The following DTNB variants were observed in gnomAD, a reference collection of about 807,000 sequenced individuals.
DTNB encodes the protein DTN-B.
Under a neutral mutation model 90.7 loss-of-function variants are expected in DTNB, and 63 were observed. That is an observed-to-expected ratio of 0.69 (90% CI 0.57 to 0.86). DTNB has a LOEUF of 0.86. DTNB is among the 40% of genes least tolerant of loss of function. The pLI is 0.00. For synonymous variants in DTNB, 277 were observed against 286.7 expected, an observed-to-expected ratio of 0.97 and a Z score of 0.34; for missense variants, 744 against 807.1, an observed-to-expected ratio of 0.92 and a Z score of 0.95.
At position 25,577,064 on chromosome 2, in the gene DTNB, GAAGA is replaced by G. The variant is rs1202064754; in HGVS notation, c.710-64_710-61del. 4 of 1,455,742 alleles carry G rather than the reference GAAGA, an allele frequency of 2.7e-6. No homozygotes were observed. In the South Asian group the frequency reaches 4.2e-5, roughly 15 times the overall value. 90.2% of individuals were successfully genotyped at this position (1,455,742 alleles called of 1,614,324 possible). Reference sequence around the variant, plus strand: ...GCAGGAGGGAAGGGATAGAATAAAAGAAGAAAGAATAAAATTTCACTTGGAGAAT... The same window carrying G: ...GCAGGAGGGAAGGGATAGAATAAAAGAAGAATAAAATTTCACTTGGAGAAT... On this transcript the variant is annotated intron_variant, in intron 7 of 20. Coordinates refer to ENST00000406818, the MANE Select transcript of DTNB (RefSeq NM_021907.5).
intron 9 of DTNB, among the ~76,000 whole-genome samples, chr2:25,516,626 A>T (rs1459240972): frequency 1.3e-5 from 2 of 150,476 alleles, no homozygotes; most frequent in Admixed American, 1.3e-4. Flanking sequence ...ATGGTGGCTC[A>T]CGCCTGTAAT....
intron 6 of DTNB, among the ~76,000 whole-genome samples, chr2:25,584,836 C>A (rs373419939): frequency 5.3e-5 from 8 of 152,272 alleles, no homozygotes; most frequent in Admixed American, 5.2e-4. Context: ...GGATTACAGG[C>A]GTGAGCCACC....
At chr2:25,530,386 G>A (rs12465884) in intron 9 of DTNB, among the ~76,000 whole-genome samples, 2,312 of 151,676 alleles carry the variant, frequency 0.015, 31 homozygotes, top group Middle Eastern at 0.027. Flanking sequence ...GCAGTGAGCC[G>A]AGATCACACC....
intron 10 of DTNB, among the ~76,000 whole-genome samples, chr2:25,478,916 G>A (rs908368147): frequency 1.3e-4 from 20 of 152,196 alleles, no homozygotes; most frequent in Admixed American, 9.2e-4. Flanking sequence ...CTGCAGTGGC[G>A]GGGAGCGAAG....
At chr2:25,621,446 CTTTTTTT>C (rs35400547) in intron 4 of DTNB, among the ~76,000 whole-genome samples, 1 of 132,688 alleles carries the variant, frequency 7.5e-6, no homozygotes, top group Non-Finnish European at 1.6e-5. Flanking sequence ...GCTAAATCAA[CTTTTTTT>C]TTTTTTTTTT....
At chr2:25,663,514 T>C (rs2083702348) in intron 1 of DTNB, among the ~76,000 whole-genome samples, 1 of 152,214 alleles carries the variant, frequency 6.6e-6, no homozygotes, top group South Asian at 2.1e-4. Context: ...TTGAACAATA[T>C]ATTATTCTTT....
chr2:25,623,921 A>G (rs1345388262), intron 4 of DTNB, among the ~76,000 whole-genome samples: 1 of 152,146 alleles, frequency 6.6e-6, no homozygotes, highest in African/African-American at 2.4e-5. Flanking sequence ...GGGCCAGGGC[A>G]CTCTGAAATT....
chr2:25,522,597 T>C (rs1454447862), intron 9 of DTNB, among the ~76,000 whole-genome samples: 1 of 152,160 alleles, frequency 6.6e-6, no homozygotes, highest in Admixed American at 6.6e-5. Context: ...GTTTATAGCC[T>C]TCTAGCCACT....
chr2:25,387,348 A>G lies in DTNB; in HGVS notation c.1766T>C (p.Leu589Pro). The G allele has an allele frequency of 6.2e-7, 1 of 1,612,470 alleles. No individual in the cohort carries two copies. Among genetic ancestry groups the G allele is most frequent in the Non-Finnish European group, 8.5e-7 (1 of 1,179,398 alleles). Reference protein sequence around the residue: ...GTRRNLRNDLLVAADSITNTM... With the variant: ...GTRRNLRNDLPVAADSITNTM... ...GTTGGTGATGGAGTCAGCTGCCACC[A>G]GCAGGTCATTGCGGAGGTTTCTCCT... is the stretch of plus-strand genomic sequence containing the variant. The change falls in exon 18 of 21, where the codon CTG becomes CCG. Residue 589 changes from leucine to proline, a missense_variant. By Grantham distance (98) the Leu-to-Pro change is moderately conservative. Transcript: ENST00000406818. The surrounding 1 kb of genome is among the most constrained non-coding windows in gnomAD (Gnocchi z 4.5).
At chr2:25,474,308 C>T (rs1479300623) in intron 10 of DTNB, among the ~76,000 whole-genome samples, 2 of 143,816 alleles carry the variant, frequency 1.4e-5, no homozygotes, top group East Asian at 2.0e-4. Flanking sequence ...AAAAAAAAAA[C>T]GCTGGAGAAA....
At chr2:25,461,148 C>T (rs2060885362) in intron 10 of DTNB, among the ~76,000 whole-genome samples, 1 of 152,244 alleles carries the variant, frequency 6.6e-6, no homozygotes, top group Non-Finnish European at 1.5e-5. Context: ...AGGTGATCCG[C>T]CCGCCTTGGT....
intron 12 of DTNB, among the ~76,000 whole-genome samples, chr2:25,442,323 TC>T (rs2057596743): frequency 6.6e-6 from 1 of 152,208 alleles, no homozygotes; most frequent in African/African-American, 2.4e-5. Flanking sequence ...CTCTGGCTTA[TC>T]CCTAGTCCAG....
chr2:25,520,956 C>T (rs1045544645), intron 9 of DTNB, among the ~76,000 whole-genome samples: 5 of 151,996 alleles, frequency 3.3e-5, no homozygotes, highest in South Asian at 2.1e-4. Flanking sequence ...ATGCAATGTG[C>T]GGAGAAAATT....
rs573468657 is a variant in DTNB at position 25,511,628 on chromosome 2, A to T, written c.1001+19845T>A. Reference sequence around the variant, plus strand: ...ATTAGAGGCGTGAGCCACCGCGCCCAATCGGGTTACTTTTTTAATGCTTCC... The same window carrying T: ...ATTAGAGGCGTGAGCCACCGCGCCCTATCGGGTTACTTTTTTAATGCTTCC... On this transcript the variant is annotated intron_variant, in intron 9 of 20. Coordinates refer to ENST00000406818, the MANE Select transcript of DTNB (RefSeq NM_021907.5). Among the ~76,000 whole-genome samples, 4 of 152,286 alleles carry T rather than the reference A, an allele frequency of 2.6e-5. No individual in the cohort carries two copies. The South Asian group carries it at 8.3e-4, about 32-fold the overall frequency.
chr2:25,432,020 G>A (rs971581313), intron 14 of DTNB, among the ~76,000 whole-genome samples: 3 of 151,808 alleles, frequency 2.0e-5, no homozygotes, highest in African/African-American at 7.3e-5. Flanking sequence ...CTAAACAGTA[G>A]AACATCTACA....
At chr2:25,590,671 TTGGC>T (rs1353663818) in intron 6 of DTNB, among the ~76,000 whole-genome samples, 1 of 152,160 alleles carries the variant, frequency 6.6e-6, no homozygotes, top group African/African-American at 2.4e-5. Flanking sequence ...TTGTTCGAGT[TTGGC>T]TGAGTTTAGG....
chr2:25,589,367 C>CTTTTTTTTTTTTTTTTTTTTT lies in DTNB; in HGVS notation c.603+6698_603+6718dup, dbSNP rs1169808182. Among the ~76,000 whole-genome samples the CTTTTTTTTTTTTTTTTTTTTT allele has an allele frequency of 8.7e-5, 5 of 57,544 alleles. 2 individuals are homozygous for CTTTTTTTTTTTTTTTTTTTTT. Among genetic ancestry groups the CTTTTTTTTTTTTTTTTTTTTT allele is most frequent in the Admixed American group, 5.1e-4 (2 of 3,934 alleles). The allele number at this position is 57,544 out of a possible 152,430, so 37.8% of individuals were successfully genotyped here. ...GCTTATTCAGGTTTCTTTTTCTTTT[C>CTTTTTTTTTTTTTTTTTTTTT]TTTTTTTTTTTTTTTTTTTTTTTTT... On this transcript the variant is annotated intron_variant, in intron 6 of 20. Transcript: ENST00000406818.
rs2071646894 is a variant in DTNB, at chr2:25,504,263, G to C, written c.1002-21390C>G. Among the ~76,000 whole-genome samples, 3 of 150,866 alleles carry C rather than the reference G, an allele frequency of 2.0e-5. No homozygotes were observed. The South Asian group carries it at 6.3e-4, about 32-fold the overall frequency. ...AGCCTGGGTGACAGAGAGAAAGGAA[G>C]GACGGACGGATGGACAGATGGAAGG... On this transcript the variant is annotated intron_variant, in intron 9 of 20. Transcript: ENST00000406818.
At chr2:25,386,700 G>A (rs761074060) in intron 18 of DTNB, among the ~76,000 whole-genome samples, 5 of 152,218 alleles carry the variant, frequency 3.3e-5, no homozygotes, top group Non-Finnish European at 5.9e-5. Context: ...TCACTGAATT[G>A]GTGAGGTGAT....
Sources: gnomAD v4.1 joint callset for allele counts (sites outside exome capture counted in the v4.1 genomes callset) on GRCh38, gnomAD v4.1.1 for gene constraint, Gnocchi (gnomAD v3.1) non-coding constraint, MANE v1.5 for transcripts, NCBI Gene and HGNC (gene_info 2026-07-23, HGNC 2026-07-21) for gene names.